The following PELI2 variants were observed in gnomAD, a reference collection of about 807,000 sequenced individuals.
The protein encoded by PELI2 is pellino E3 ubiquitin protein ligase family member 2.
PELI2 carries 23 observed loss-of-function variants against 42.3 expected under a neutral mutation model. The ratio of observed to expected loss-of-function variants is 0.54; its 90% CI spans 0.39 to 0.77. The LOEUF (loss-of-function observed/expected upper bound fraction) is 0.77. PELI2 is among the 30% of genes least tolerant of loss of function. PELI2 has a pLI of 0.00. For synonymous variants in PELI2, 245 were observed against 212.2 expected, an observed-to-expected ratio of 1.15 and a Z score of -1.34; for missense variants, 463 against 553.2, an observed-to-expected ratio of 0.84 and a Z score of 1.64.
At chr14:56,131,846 A>G (rs1371194240) in intron 1 of PELI2, among the ~76,000 whole-genome samples, 4 of 152,136 alleles carry the variant, frequency 2.6e-5, no homozygotes, top group Admixed American at 2.6e-4. Flanking sequence ...TTGTATAAAA[A>G]CTACCACACT....
At chr14:56,147,972 T>C (rs939968608) in intron 1 of PELI2, among the ~76,000 whole-genome samples, 1 of 152,238 alleles carries the variant, frequency 6.6e-6, no homozygotes, top group Non-Finnish European at 1.5e-5. Context: ...TTTGGTGCTT[T>C]AATAGCATTA....
intron 2 of PELI2, among the ~76,000 whole-genome samples, chr14:56,231,025 G>A (rs1172798129): frequency 6.6e-6 from 1 of 152,142 alleles, no homozygotes; most frequent in Non-Finnish European, 1.5e-5. Flanking sequence ...TTACATAATG[G>A]TAAAGGGATC....
At chr14:56,215,348 C>T (rs1594647031) in intron 2 of PELI2, among the ~76,000 whole-genome samples, 3 of 152,228 alleles carry the variant, frequency 2.0e-5, no homozygotes, top group African/African-American at 4.8e-5. Context: ...GTTGCTGTAG[C>T]GAAACATAAC....
At chr14:56,185,947 A>G (rs982927236) in intron 2 of PELI2, among the ~76,000 whole-genome samples, 6 of 152,298 alleles carry the variant, frequency 3.9e-5, no homozygotes, top group African/African-American at 9.6e-5. Flanking sequence ...ATGCTCATAC[A>G]TTAATCACTG....
At chr14:56,232,951 C>G (rs1036465619) in intron 2 of PELI2, among the ~76,000 whole-genome samples, 7 of 151,452 alleles carry the variant, frequency 4.6e-5, no homozygotes, top group Non-Finnish European at 8.9e-5. Flanking sequence ...ACAAGCATTC[C>G]TATACCAATA....
rs922133531 is a variant in PELI2, at chr14:56,180,654, C to T, written c.207+2190C>T. On this transcript the variant is annotated intron_variant, in intron 2 of 5. Coordinates refer to ENST00000267460, the MANE Select transcript of PELI2 (RefSeq NM_021255.3). The surrounding 1 kb of genome is among the most constrained non-coding windows in gnomAD (Gnocchi z 4.4). ...GTTGCCTTTCAGACTCTCAAACTCT[C>T]GTCCCGGCCAGCTGTACCCGGCCAC... Among the ~76,000 whole-genome samples the T allele has an allele frequency of 6.6e-6, 1 of 152,168 alleles. No homozygotes were observed. The highest frequency in any genetic ancestry group is 1.5e-5 in the Non-Finnish European group (1 of 68,026).
At chr14:56,281,995 A>T (rs1307860284) in intron 3 of PELI2, among the ~76,000 whole-genome samples, 1 of 152,128 alleles carries the variant, frequency 6.6e-6, no homozygotes, top group Non-Finnish European at 1.5e-5. Context: ...AGCTATGAAA[A>T]ATACAAAATG....
chr14:56,146,504 G>A (rs4901639), intron 1 of PELI2, among the ~76,000 whole-genome samples: 61,289 of 151,938 alleles, frequency 0.4, 13,014 homozygotes, highest in South Asian at 0.52. Context: ...ATAAGATACA[G>A]TCTGATGGTA....
chr14:56,179,022 G>A (rs1197964400), intron 2 of PELI2, among the ~76,000 whole-genome samples: 1 of 152,002 alleles, frequency 6.6e-6, no homozygotes, highest in Non-Finnish European at 1.5e-5. Context: ...GATAAAAGAG[G>A]CCGACTATAC....
chr14:56,239,379 C>A (rs552671326), intron 2 of PELI2, among the ~76,000 whole-genome samples: 1 of 152,322 alleles, frequency 6.6e-6, no homozygotes, highest in African/African-American at 2.4e-5. Context: ...AAGAGAATGT[C>A]TCCTAACTTT....
chr14:56,269,158 G>A (rs1315124842), intron 2 of PELI2, among the ~76,000 whole-genome samples: 2 of 152,110 alleles, frequency 1.3e-5, no homozygotes, highest in African/African-American at 4.8e-5. Context: ...AGAATTGATT[G>A]GGTTAGGTGC....
At chr14:56,245,914 A>C (rs997614790) in intron 2 of PELI2, among the ~76,000 whole-genome samples, 1 of 152,214 alleles carries the variant, frequency 6.6e-6, no homozygotes, top group Non-Finnish European at 1.5e-5. Context: ...TGCAAATACT[A>C]TACCAATTTA....
intron 3 of PELI2, among the ~76,000 whole-genome samples, chr14:56,279,983 A>C (rs1889421167): frequency 6.6e-6 from 1 of 152,218 alleles, no homozygotes; most frequent in Admixed American, 6.5e-5. Context: ...CTACATTCTC[A>C]GACCTCAGTG....
intron 2 of PELI2, among the ~76,000 whole-genome samples, chr14:56,260,408 A>G (rs1279362246): frequency 6.6e-6 from 1 of 152,210 alleles, no homozygotes; most frequent in African/African-American, 2.4e-5. Context: ...TTACATTTGT[A>G]TGAAATTCCA....
intron 2 of PELI2, among the ~76,000 whole-genome samples, chr14:56,255,796 T>C (rs954185463): frequency 6.6e-5 from 10 of 152,080 alleles, no homozygotes; most frequent in African/African-American, 2.4e-4. Flanking sequence ...TCTAATCTTA[T>C]TATGCAAATG....
At chr14:56,254,145 A>T (rs1888445087) in intron 2 of PELI2, among the ~76,000 whole-genome samples, 1 of 152,204 alleles carries the variant, frequency 6.6e-6, no homozygotes, top group Admixed American at 6.5e-5. Context: ...TCACGCCTGT[A>T]ATCCCAACAC....
intron 1 of PELI2, among the ~76,000 whole-genome samples, chr14:56,176,410 T>C (rs1885386678): frequency 6.6e-6 from 1 of 152,096 alleles, no homozygotes; most frequent in African/African-American, 2.4e-5. Context: ...GTTGGTGGCT[T>C]ACATACAGGG....
intron 2 of PELI2, among the ~76,000 whole-genome samples, chr14:56,199,246 T>C (rs896661900): frequency 2.0e-5 from 3 of 152,192 alleles, no homozygotes; most frequent in Admixed American, 6.5e-5. Context: ...TTAGTGATTG[T>C]CCTGAGTGTC....
intron 1 of PELI2, among the ~76,000 whole-genome samples, chr14:56,125,565 T>C (rs1057423801): frequency 1.3e-5 from 2 of 152,148 alleles, no homozygotes; most frequent in African/African-American, 4.8e-5. Context: ...TACTTTTTTT[T>C]CTGTTTAAGC....
Sources: gnomAD v4.1 joint callset for allele counts (sites outside exome capture counted in the v4.1 genomes callset) on GRCh38, gnomAD v4.1.1 for gene constraint, Gnocchi (gnomAD v3.1) non-coding constraint, MANE v1.5 for transcripts, NCBI Gene and HGNC (gene_info 2026-07-23, HGNC 2026-07-21) for gene names.